ITGAV: variants seen among roughly 807,000 people sequenced by gnomAD.
ITGAV encodes integrin alpha-V.
ITGAV carries 76 observed loss-of-function variants against 143.8 expected under a neutral mutation model. That is an observed-to-expected ratio of 0.53 (90% CI 0.44 to 0.64). The LOEUF is 0.64. Among genes scored for constraint, ITGAV ranks in the 30% least tolerant of loss-of-function variants. The pLI is 0.00. For missense variants in ITGAV, 1,193 were observed against 1,274.7 expected (o/e 0.94, Z 0.98); for synonymous variants, 453 against 446.7 (o/e 1.01, Z -0.18).
intron 26 of ITGAV, among the ~76,000 whole-genome samples, chr2:186,673,619 T>C (rs2682870): frequency 0.94 from 143,672 of 152,248 alleles, 68,152 homozygotes; most frequent in Middle Eastern, 1. Flanking sequence ...TCCTTGATTA[T>C]GTGATTTCTG....
intron 6 of ITGAV, among the ~76,000 whole-genome samples, chr2:186,635,872 A>G (rs1477226395): frequency 6.6e-6 from 1 of 152,178 alleles, no homozygotes; most frequent in Non-Finnish European, 1.5e-5. Flanking sequence ...ATTAGCAGAG[A>G]CTACTTTTAA....
chr2:186,630,216 A>T (rs1309790022), intron 4 of ITGAV, among the ~76,000 whole-genome samples: 1 of 152,038 alleles, frequency 6.6e-6, no homozygotes, highest in East Asian at 1.9e-4. Context: ...TGCTATTCAT[A>T]ATAACAAAGG....
In ITGAV at chr2:186,659,165, T is replaced by G. The variant is rs1269202960; in HGVS notation, c.1847T>G (p.Ile616Ser). The G allele has an allele frequency of 1.2e-6, 2 of 1,606,444 alleles. No homozygotes were observed. The highest frequency in any genetic ancestry group is 1.7e-6 in the Non-Finnish European group (2 of 1,176,292). Residue 616 changes from isoleucine to serine, a missense_variant, in exon 18 of 30, where the codon ATT becomes AGT. Transcript: ENST00000261023. ...CTTAACCAGTTCACGCCTGCTAACA[T>G]TAGTCGACAGGTACTGTACTCAGTT... ...PILNQFTPANISRQAHILLDC... is the reference protein window; with the variant it reads ...PILNQFTPANSSRQAHILLDC...
chr2:186,668,037 G>T (rs533443608), intron 24 of ITGAV: 35 of 191,600 alleles, frequency 1.8e-4, no homozygotes, highest in African/African-American at 8.0e-4. Flanking sequence ...AATGTCATTG[G>T]TACTTTCTCA....
At chr2:186,645,193 AG>A (rs1688221079) in intron 12 of ITGAV, among the ~76,000 whole-genome samples, 1 of 152,128 alleles carries the variant, frequency 6.6e-6, no homozygotes, top group Non-Finnish European at 1.5e-5. Flanking sequence ...CGGGATAGAG[AG>A]GGTGATAGAG....
At chr2:186,623,711 A>G (rs879454851) in intron 3 of ITGAV, among the ~76,000 whole-genome samples, 3 of 152,242 alleles carry the variant, frequency 2.0e-5, no homozygotes, top group Non-Finnish European at 4.4e-5. Context: ...GAAGAAAAAC[A>G]AATAAAAAAC....
chr2:186,665,217 A>C lies in ITGAV; in HGVS notation c.2165A>C (p.Gln722Pro). The C allele has an allele frequency of 6.3e-7, 1 of 1,593,754 alleles. No individual in the cohort carries two copies. The highest frequency in any genetic ancestry group is 8.6e-7 in the Non-Finnish European group (1 of 1,162,298). The stretch of plus-strand genomic sequence containing the variant: ...GGAAACCCAATGAAGGCTGGAACTC[A>C]AGTAAGACAATTTAATTAAACGGAT... ...DLGNPMKAGT[Q>P]LLAGLRFSVH... Residue 722 changes from glutamine to proline, a missense_variant and splice_region_variant, in exon 21 of 30, where the codon CAA (glutamine) becomes CCA (proline). Physicochemically the swap from Gln to Pro is moderately conservative, Grantham distance 76. Transcript: ENST00000261023.
intron 1 of ITGAV, among the ~76,000 whole-genome samples, chr2:186,592,198 G>A (rs1449315523): frequency 6.6e-6 from 1 of 152,160 alleles, no homozygotes; most frequent in Non-Finnish European, 1.5e-5. Flanking sequence ...AGCACCTTGG[G>A]AGGCCAAGAT....
At chr2:186,656,767 C>T (rs1391337148) in intron 17 of ITGAV, among the ~76,000 whole-genome samples, 2 of 151,908 alleles carry the variant, frequency 1.3e-5, no homozygotes, top group Non-Finnish European at 2.9e-5. Flanking sequence ...AATATATGAG[C>T]GAGAGTTGCT....
intron 4 of ITGAV, among the ~76,000 whole-genome samples, chr2:186,629,848 A>C (rs1687770111): frequency 6.6e-6 from 1 of 152,046 alleles, no homozygotes; most frequent in African/African-American, 2.4e-5. Context: ...CCTCAAAGTA[A>C]AATAAGGGGA....
chr2:186,593,786 G>T (rs1686676006), intron 1 of ITGAV, among the ~76,000 whole-genome samples: 1 of 151,868 alleles, frequency 6.6e-6, no homozygotes, highest in African/African-American at 2.4e-5. Flanking sequence ...GTAGGTTGGT[G>T]TGAGTAGAGG....
chr2:186,647,230 T>C (rs1333428479), intron 13 of ITGAV, among the ~76,000 whole-genome samples: 5 of 139,312 alleles, frequency 3.6e-5, no homozygotes, highest in Admixed American at 1.6e-4. Context: ...ACTTGACTAA[T>C]AGTTGTGATT....
chr2:186,652,879 T>C (rs552390373), intron 15 of ITGAV, among the ~76,000 whole-genome samples: 6 of 151,638 alleles, frequency 4.0e-5, no homozygotes, highest in African/African-American at 7.2e-5. Flanking sequence ...CTTTCTCTCA[T>C]CTTTGTCATT....
chr2:186,680,051 A>G lies in ITGAV; in HGVS notation c.*2759A>G, dbSNP rs1416579206. On this transcript the variant is annotated 3_prime_UTR_variant, in exon 30 of 30. Transcript: ENST00000261023. Reference sequence around the variant, plus strand: ...AAGTATTGTATATAATAGATCAGCGATTTTTGTAAGGCAAACAGAATTTGT... The same window carrying G: ...AAGTATTGTATATAATAGATCAGCGGTTTTTGTAAGGCAAACAGAATTTGT... The G allele has an allele frequency of 6.6e-6, 1 of 152,066 alleles. No homozygotes were observed. 9.4% of individuals were successfully genotyped at this position (152,066 alleles called of 1,614,324 possible). A position where few individuals can be genotyped will look rare whatever the true frequency, so the allele number is the denominator to read the frequency against.
At chr2:186,665,963 T>G (rs1001105611) in intron 21 of ITGAV, among the ~76,000 whole-genome samples, 2 of 152,198 alleles carry the variant, frequency 1.3e-5, no homozygotes, top group African/African-American at 2.4e-5. Flanking sequence ...GTTCAGTTTT[T>G]CACGTGTATT....
chr2:186,607,876 C>T lies in ITGAV; in HGVS notation c.316+5725C>T, dbSNP rs571146592. ...TAAGTTGCATTTGGATTGGGAGAAA[C>T]TATAAATAGACTAAGTACCTGATAG... On this transcript the variant is annotated intron_variant, in intron 2 of 29. Coordinates refer to ENST00000261023, the MANE Select transcript of ITGAV (RefSeq NM_002210.5). 5.9e-5 allele frequency among the ~76,000 whole-genome samples: 9 copies of T among 152,224 alleles called. 1 individual carries two copies. In the South Asian group the frequency reaches 1.9e-3, roughly 32 times the overall value.
intron 2 of ITGAV, among the ~76,000 whole-genome samples, chr2:186,608,488 C>T (rs1687127864): frequency 6.6e-6 from 1 of 152,160 alleles, no homozygotes. Flanking sequence ...ACTACAAATG[C>T]TTGGCATTAA....
intron 1 of ITGAV, among the ~76,000 whole-genome samples, chr2:186,590,736 A>G (rs2105639911): frequency 6.6e-6 from 1 of 152,212 alleles, no homozygotes; most frequent in Non-Finnish European, 1.5e-5. Context: ...CCCGCTTCTC[A>G]CCTCTTAAAA....
chr2:186,640,137 G>A (rs1688061638), intron 10 of ITGAV, among the ~76,000 whole-genome samples: 1 of 151,990 alleles, frequency 6.6e-6, no homozygotes, highest in African/African-American at 2.4e-5. Flanking sequence ...TATTTAATCT[G>A]TCATCTCTTT....
Sources: gnomAD v4.1 joint callset for allele counts (sites outside exome capture counted in the v4.1 genomes callset) on GRCh38, gnomAD v4.1.1 for gene constraint, MANE v1.5 for transcripts, NCBI Gene and HGNC (gene_info 2026-07-23, HGNC 2026-07-21) for gene names.